LRMDA: variants seen among roughly 807,000 people sequenced by gnomAD.
LRMDA encodes leucine-rich melanocyte differentiation-associated protein.
Under a neutral mutation model 29.8 loss-of-function variants are expected in LRMDA, and 18 were observed. The observed-to-expected ratio is 0.60, with a 90% CI of 0.42 to 0.90. The LOEUF is 0.90. LRMDA is among the 40% of genes least tolerant of loss of function. The pLI is 0.00. For missense variants in LRMDA, 273 were observed against 273.9 expected, an observed-to-expected ratio of 1.00 and a Z score of 0.02; for synonymous variants, 125 against 109.4, an observed-to-expected ratio of 1.14 and a Z score of -0.89.
In LRMDA at chr10:75,562,626, G is replaced by C. The variant is rs534373803; in HGVS notation, c.131+124132G>C. On this transcript the variant is annotated intron_variant, in intron 2 of 6. Coordinates refer to ENST00000611255, the MANE Select transcript of LRMDA (RefSeq NM_001305581.2). ...GTTGATGCAGTTTCTTCCTAGCCTC[G>C]ATGGTCTTTACATTTTGGCATGATT... Among the ~76,000 whole-genome samples, 4 of 152,008 alleles carry C rather than the reference G, an allele frequency of 2.6e-5. No homozygotes were observed. In the East Asian group the frequency reaches 7.7e-4, roughly 29 times the overall value.
chr10:76,370,517 A>G (rs187010894), intron 6 of LRMDA, among the ~76,000 whole-genome samples: 2 of 152,290 alleles, frequency 1.3e-5, no homozygotes, highest in South Asian at 2.1e-4. Context: ...AAAATAGCAT[A>G]TATTGTAGGC....
chr10:75,946,843 G>T (rs1846484508), intron 2 of LRMDA, among the ~76,000 whole-genome samples: 1 of 152,176 alleles, frequency 6.6e-6, no homozygotes, highest in Non-Finnish European at 1.5e-5. Context: ...CTTAGGAGAA[G>T]ATCTTATGTC....
rs574757150 is a variant in LRMDA at position 75,753,141 on chromosome 10, A to G, written c.132-282867A>G. ...GTTGCAAGTTAGATAATCTGAAGGT[A>G]CCCTGTTCATTTTTAAAGCCCTACA... On this transcript the variant is annotated intron_variant, in intron 2 of 6. Transcript: ENST00000611255. Among the ~76,000 whole-genome samples, 6 of 152,154 alleles carry G rather than the reference A, an allele frequency of 3.9e-5. No homozygotes were observed. In the East Asian group the frequency reaches 9.7e-4, roughly 25 times the overall value.
chr10:76,301,541 A>G (rs1180176911), intron 5 of LRMDA, among the ~76,000 whole-genome samples: 3 of 152,206 alleles, frequency 2.0e-5, no homozygotes, highest in Non-Finnish European at 2.9e-5. Flanking sequence ...AAAAATTGCC[A>G]AAGTATATTT....
chr10:75,746,391 T>G (rs1298072052), intron 2 of LRMDA, among the ~76,000 whole-genome samples: 1 of 152,210 alleles, frequency 6.6e-6, no homozygotes, highest in Non-Finnish European at 1.5e-5. Flanking sequence ...TTGTTTTCGT[T>G]CAAACTACCA....
chr10:76,311,434 C>T (rs974706592), intron 5 of LRMDA, among the ~76,000 whole-genome samples: 10 of 152,238 alleles, frequency 6.6e-5, no homozygotes, highest in African/African-American at 2.4e-4. Flanking sequence ...TTATGACTTT[C>T]TATTTTTGTG....
At chr10:76,136,382 C>T (rs912444891) in intron 5 of LRMDA, among the ~76,000 whole-genome samples, 8 of 152,108 alleles carry the variant, frequency 5.3e-5, no homozygotes, top group African/African-American at 1.7e-4. Context: ...CTTGCCAATA[C>T]ATTGTCACTT....
intron 2 of LRMDA, among the ~76,000 whole-genome samples, chr10:75,498,111 A>G (rs1328186143): frequency 6.6e-6 from 1 of 152,118 alleles, no homozygotes; most frequent in Non-Finnish European, 1.5e-5. Flanking sequence ...TGTTGGGTGT[A>G]TGATGACGTC....
At chr10:75,796,410 G>A (rs535171721) in intron 2 of LRMDA, among the ~76,000 whole-genome samples, 2 of 152,026 alleles carry the variant, frequency 1.3e-5, no homozygotes, top group Admixed American at 6.5e-5. Context: ...ATGCTTTTCA[G>A]CCTCTATTGA....
intron 2 of LRMDA, among the ~76,000 whole-genome samples, chr10:75,497,621 C>T (rs773799419): frequency 7.2e-5 from 11 of 151,904 alleles, no homozygotes; most frequent in Admixed American, 1.3e-4. Flanking sequence ...TGCTCCCTCC[C>T]CTCCATAGGC....
chr10:76,365,107 T>TACAC lies in LRMDA; in HGVS notation c.601+40632_601+40635dup, dbSNP rs61263118. 7.1e-3 allele frequency among the ~76,000 whole-genome samples: 431 copies of TACAC among 60,608 alleles called. 43 individuals are homozygous for TACAC. The highest frequency in any genetic ancestry group is 0.017 in the South Asian group (40 of 2,314). 39.8% of individuals were successfully genotyped at this position (60,608 alleles called of 152,430 possible). On this transcript the variant is annotated intron_variant, in intron 6 of 6. Transcript: ENST00000611255. ...ACACATATATATATATATATATATA[T>TACAC]ACACACACACACATACACACCACAG...
chr10:76,144,993 A>G (rs1850284287), intron 5 of LRMDA, among the ~76,000 whole-genome samples: 1 of 152,158 alleles, frequency 6.6e-6, no homozygotes, highest in Admixed American at 6.5e-5. Context: ...GCTGGATTAC[A>G]TTTATTGATT....
At chr10:75,846,285 C>G (rs577031379) in intron 2 of LRMDA, among the ~76,000 whole-genome samples, 1 of 150,818 alleles carries the variant, frequency 6.6e-6, no homozygotes, top group Non-Finnish European at 1.5e-5. Flanking sequence ...TAAATTCATA[C>G]CAACCATTCA....
chr10:75,607,828 T>TC (rs1840975327), intron 2 of LRMDA, among the ~76,000 whole-genome samples: 1 of 130,834 alleles, frequency 7.6e-6, no homozygotes, highest in African/African-American at 4.1e-5. Context: ...TCAGTGGTTT[T>TC]TTTTTTTTTT....
chr10:75,875,480 A>C (rs1028429995), intron 2 of LRMDA, among the ~76,000 whole-genome samples: 1 of 151,560 alleles, frequency 6.6e-6, no homozygotes, highest in African/African-American at 2.4e-5. Flanking sequence ...GTTGCCCAGG[A>C]TGGAGTGCAA....
intron 6 of LRMDA, among the ~76,000 whole-genome samples, chr10:76,339,271 CAAAAAAAA>C (rs201555311): frequency 8.6e-6 from 1 of 116,362 alleles, no homozygotes; most frequent in South Asian, 2.9e-4. Context: ...CCCCTCCTTC[CAAAAAAAA>C]AAAAAAAAGT....
intron 5 of LRMDA, among the ~76,000 whole-genome samples, chr10:76,189,974 A>G (rs1424645906): frequency 6.6e-6 from 1 of 152,192 alleles, no homozygotes; most frequent in African/African-American, 2.4e-5. Flanking sequence ...GTAGCCCTGC[A>G]CTGGGTTCCT....
intron 6 of LRMDA, among the ~76,000 whole-genome samples, chr10:76,448,843 G>A (rs1842378413): frequency 6.6e-6 from 1 of 151,632 alleles, no homozygotes. Flanking sequence ...TCAATTCACA[G>A]GCTTACATGC....
chr10:76,099,369 A>G lies in LRMDA; in HGVS notation c.516+40586A>G, dbSNP rs115616934. ...TCACTATCTCAGCTATAATTTTGCA[A>G]TGGCAGTTTCATTAATTTTTTTAAT... On this transcript the variant is annotated intron_variant, in intron 5 of 6. Transcript: ENST00000611255. Among the ~76,000 whole-genome samples, 888 of 152,314 alleles carry G rather than the reference A, an allele frequency of 5.8e-3. 17 individuals carry two copies. Among genetic ancestry groups the G allele is most frequent in the African/African-American group, 0.02 (851 of 41,580 alleles).
Sources: gnomAD v4.1 joint callset for allele counts (sites outside exome capture counted in the v4.1 genomes callset) on GRCh38, gnomAD v4.1.1 for gene constraint, MANE v1.5 for transcripts, NCBI Gene and HGNC (gene_info 2026-07-23, HGNC 2026-07-21) for gene names.